Variants in KRT35 observed in about 807,000 individuals in gnomAD.
KRT35 encodes the protein keratin 35.
In KRT35, 33 loss-of-function variants were observed where a neutral mutation model predicts 42.2. That is an observed-to-expected ratio of 0.78 (90% CI 0.59 to 1.05). The LOEUF (loss-of-function observed/expected upper bound fraction) is 1.05. Among genes scored for constraint, KRT35 ranks in the 50% least tolerant of loss-of-function variants. KRT35 has a pLI of 0.00. For synonymous variants in KRT35, 218 were observed against 238.2 expected, an observed-to-expected ratio of 0.92 and a Z score of 0.78; for missense variants, 585 against 589.2, an observed-to-expected ratio of 0.99 and a Z score of 0.07.
At position 41,480,999 on chromosome 17, in the gene KRT35, G is replaced by A. The variant is rs1404786766; in HGVS notation, c.99C>T (p.Ser33=). The change falls in exon 1 of 7, where the codon TCC becomes TCT. Residue 33 remains serine, a synonymous_variant. Transcript: ENST00000246639. ...GGSTRVSAMY[S]SSSCKLPSLS... is the part of the protein sequence containing the mutation. ...GACTTGGAAGCTTGCAAGAGCTGCTGGAGTACATTGCGGACACACGAGTGG... is the reference window on the plus strand; with the variant it reads ...GACTTGGAAGCTTGCAAGAGCTGCTAGAGTACATTGCGGACACACGAGTGG... 1.2e-6 allele frequency: 2 copies of A among 1,614,032 alleles called. No homozygotes were observed. Among genetic ancestry groups the A allele is most frequent in the Admixed American group, 3.3e-5 (2 of 60,022 alleles).
Position 41,477,148 on chromosome 17 carries a change from A to AG in KRT35, c.1275dup (p.Cys426LeufsTer10). 6.2e-7 allele frequency: 1 copy of AG among 1,613,736 alleles called. No individual in the cohort carries two copies. Among genetic ancestry groups the AG allele is most frequent in the Non-Finnish European group, 8.5e-7 (1 of 1,179,796 alleles). On this transcript the variant is annotated frameshift_variant, in exon 7 of 7. Transcript: ENST00000246639. LOFTEE classifies it high-confidence loss of function. Reference sequence around the variant, plus strand: ...GGACCGCAGGAGGCCGCAGGAAGACAGGGAAGGCATGACTTGGAGGGTGAG... The same window carrying AG: ...GGACCGCAGGAGGCCGCAGGAAGACAGGGGAAGGCATGACTTGGAGGGTGAG...
intron 1 of KRT35, 79 bp downstream of exon 1, chr17:41,480,548 G>T: frequency 9.0e-7 from 1 of 1,117,238 alleles, no homozygotes; most frequent in Non-Finnish European, 1.3e-6. Context: ...CTTCCAACAT[G>T]CCCTATGGGA....
Position 41,478,329 on chromosome 17 carries a change from C to A in KRT35, c.999+32G>T, listed in dbSNP as rs201515809. ...AGCTTGTGTGCTCCTCGGCTTGGTCCAGAGGCAGCTCCACCCTGCCTTGGG... is the reference window on the plus strand; with the variant it reads ...AGCTTGTGTGCTCCTCGGCTTGGTCAAGAGGCAGCTCCACCCTGCCTTGGG... On this transcript the variant is annotated intron_variant, in intron 5 of 6. Coordinates refer to ENST00000246639, the MANE Select transcript of KRT35 (RefSeq NM_002280.6). 2.9e-5 allele frequency: 46 copies of A among 1,607,190 alleles called. No homozygotes were observed. In the Middle Eastern group the frequency reaches 6.4e-4, roughly 22 times the overall value.
At position 41,478,973 on chromosome 17, in the gene KRT35, T is replaced by C. The variant is rs879092551; in HGVS notation, c.734A>G (p.Gln245Arg). The C allele has an allele frequency of 3.1e-6, 5 of 1,613,660 alleles. No individual in the cohort carries two copies. The highest frequency in any genetic ancestry group is 4.2e-6 in the Non-Finnish European group (5 of 1,179,732). The change falls in exon 4 of 7, where the codon CAA becomes CGA. Residue 245 changes from glutamine to arginine, a missense_variant. Transcript: ENST00000246639. ...HEEEVNSLRC[Q>R]LGDRLNVEVD... ...CTCAACATTGAGGCGGTCACCAAGT[T>C]GGCAGCGCAGTGAGTTCACTTCCTA...
rs377000130 is a variant in KRT35 at position 41,480,770 on chromosome 17, C to T, written c.328G>A (p.Gly110Ser). The change falls in exon 1 of 7, where the codon GGC becomes AGC. Residue 110 changes from glycine (G) to serine (S), a missense_variant. By Grantham distance (56) the Gly-to-Ser change is moderately conservative. Coordinates refer to ENST00000246639, the MANE Select transcript of KRT35 (RefSeq NM_002280.6). ...AGCTGACGCACCTTCTCCAGGTAGC[C>T]GGCCAGGCGGTCGTTCAGGGATTGC... ...TMQSLNDRLA[G>S]YLEKVRQLEQ... The T allele has an allele frequency of 2.0e-5, 32 of 1,614,076 alleles. No homozygotes were observed. In the Admixed American group the frequency reaches 2.8e-4, roughly 14 times the overall value.
At chr17:41,477,320 C>T (rs1286131808) in intron 6 of KRT35, 117 bp from the exon 7 acceptor site, 4 of 1,364,390 alleles carry the variant, frequency 2.9e-6, no homozygotes, top group African/African-American at 1.5e-5. Context: ...ATCCTGCCCC[C>T]TTGTTTTACC....
In KRT35 at chr17:41,477,689, G is replaced by C; in HGVS notation, c.1049C>G (p.Ser350Cys). ...TLAETEARYS[S>C]QLAQMQCMIT... ...CATGCACTGCATCTGGGCCAGCTGG[G>C]AGCTATAGCGGGCCTCCGTCTCTGC... The change falls in exon 6 of 7, where the codon TCC (serine) becomes TGC (cysteine). Residue 350 changes from serine (S) to cysteine (C), a missense_variant. By Grantham distance (112) the Ser-to-Cys change is moderately radical. Coordinates refer to ENST00000246639, the MANE Select transcript of KRT35 (RefSeq NM_002280.6). The C allele has an allele frequency of 6.2e-7, 1 of 1,614,250 alleles. No individual in the cohort carries two copies. Among genetic ancestry groups the C allele is most frequent in the Admixed American group, 1.7e-5 (1 of 60,026 alleles).
At chr17:41,477,496 G>A (rs962033393) in intron 6 of KRT35, 22 bp downstream of exon 6, 1 of 1,611,894 alleles carries the variant, frequency 6.2e-7, no homozygotes, top group Non-Finnish European at 8.5e-7. Context: ...GAGAAGACAA[G>A]AGCACATGCA....
chr17:41,479,310 C>T (rs2019222897), intron 3 of KRT35, 37 bp downstream of exon 3: 1 of 1,594,502 alleles, frequency 6.3e-7, no homozygotes, highest in East Asian at 2.3e-5. Context: ...CCCATGCTCA[C>T]CTGCTGTGCC....
rs968232386 is a variant in KRT35, at chr17:41,476,871, G to C, written c.*185C>G. ...TGATGAGGAGTTGAGACCTTTGGGG[G>C]CAGCCGGCCTTTGTGACAGGCTCTG... On this transcript the variant is annotated 3_prime_UTR_variant, in exon 7 of 7. Transcript: ENST00000246639. 1 of 546,500 alleles carries C rather than the reference G, an allele frequency of 1.8e-6. No individual in the cohort carries two copies. Among genetic ancestry groups the C allele is most frequent in the Admixed American group, 3.6e-5 (1 of 27,804 alleles). The allele number at this position is 546,500 out of a possible 1,614,324, so 33.9% of individuals were successfully genotyped here.
chr17:41,479,903 C>A, intron 1 of KRT35, 122 bp from the exon 2 acceptor site: 1 of 746,330 alleles, frequency 1.3e-6, no homozygotes, highest in South Asian at 1.6e-5. Flanking sequence ...TCTGCTACTC[C>A]ATGTGCATTG....
Position 41,476,797 on chromosome 17 carries a change from C to T in KRT35, c.*259G>A, listed in dbSNP as rs1353148677. On this transcript the variant is annotated 3_prime_UTR_variant, in exon 7 of 7. Coordinates refer to ENST00000246639, the MANE Select transcript of KRT35 (RefSeq NM_002280.6). ...ACCGGAACAGCACCTAGAAGGAAAA[C>T]CTGACCCAGGAGGCAGCCTGAGAAC... The T allele has an allele frequency of 7.9e-6, 3 of 379,364 alleles. No individual in the cohort carries two copies. The highest frequency in any genetic ancestry group is 4.2e-5 in the East Asian group (1 of 23,630). The allele number at this position is 379,364 out of a possible 1,614,324, so 23.5% of individuals were successfully genotyped here.
rs748748110 is a variant in KRT35, at chr17:41,481,099, GC to G, written c.-3del. On this transcript the variant is annotated 5_prime_UTR_variant, in exon 1 of 7. Transcript: ENST00000246639. ...GGCCTTGAGGCATTTGGAAGCCATG[GC>G]CCCTGCAACTCAGATGCAATTGATA... The G allele has an allele frequency of 5.5e-5, 88 of 1,598,138 alleles. No homozygotes were observed. In the African/African-American group the frequency reaches 9.9e-4, roughly 18 times the overall value.
chr17:41,477,073 G>A lies in KRT35; in HGVS notation c.1351C>T (p.Pro451Ser), dbSNP rs1165726154. 17 of 1,585,224 alleles carry A rather than the reference G, an allele frequency of 1.1e-5. No homozygotes were observed. The highest frequency in any genetic ancestry group is 1.5e-5 in the Non-Finnish European group (17 of 1,168,806). Reference protein sequence around the residue: ...CSPRPICVPCPGGRF With the variant: ...CSPRPICVPCSGGRF ...ACCCGCTCTCAGAACCGACCCCCTG[G>A]GCAGGGCACACAAATGGGGCGGGGG... is the stretch of plus-strand genomic sequence containing the variant. Residue 451 changes from proline (P) to serine (S), a missense_variant, in exon 7 of 7, where the codon CCA (proline) becomes TCA (serine). Pro to Ser is a moderately conservative substitution (Grantham distance 74). Transcript: ENST00000246639.
rs573572522 is a variant in KRT35 at position 41,479,231 on chromosome 17, CT to C, written c.711+115del. The stretch of plus-strand genomic sequence containing the variant: ...CCTCTTCCCTATGCACACCTGCTCC[CT>C]CATGTTCACCTCCCCCTATGCTCAC... On this transcript the variant is annotated intron_variant, in intron 3 of 6. Transcript: ENST00000246639. 4.0e-6 allele frequency: 5 copies of C among 1,239,464 alleles called. No individual in the cohort carries two copies. In the South Asian group the frequency reaches 4.2e-5, roughly 10 times the overall value. 76.8% of individuals were successfully genotyped at this position (1,239,464 alleles called of 1,614,324 possible).
rs745971004 is a variant in KRT35, at chr17:41,478,418, G to A, written c.942C>T (p.Ile314=). The A allele has an allele frequency of 1.4e-5, 23 of 1,613,976 alleles. No individual in the cohort carries two copies. Among genetic ancestry groups the A allele is most frequent in the African/African-American group, 6.7e-5 (5 of 74,920 alleles). The change falls in exon 5 of 7, where the codon ATC becomes ATT. Residue 314 remains isoleucine (I), a synonymous_variant. Transcript: ENST00000246639. ...GGGCGTTGACCGTGCGTCTCAGCTC[G>A]ATGATCTCTGCCTGGCAGGACTGCA... The part of the protein sequence containing the change: ...EQLQSCQAEI[I]ELRRTVNALE...
rs2019176703 is a variant in KRT35, at chr17:41,476,770, C to T, written c.*286G>A. The T allele has an allele frequency of 3.0e-6, 1 of 329,488 alleles. No individual in the cohort carries two copies. Among genetic ancestry groups the T allele is most frequent in the South Asian group, 9.8e-5 (1 of 10,164 alleles). The allele number at this position is 329,488 out of a possible 1,614,324, so 20.4% of individuals were successfully genotyped here. Reference sequence around the variant, plus strand: ...AAAGCCCTCTACTGCATTTCAGAATCCACCGGAACAGCACCTAGAAGGAAA... The same window carrying T: ...AAAGCCCTCTACTGCATTTCAGAATTCACCGGAACAGCACCTAGAAGGAAA... On this transcript the variant is annotated 3_prime_UTR_variant, in exon 7 of 7. Transcript: ENST00000246639.
chr17:41,480,517 A>C, intron 1 of KRT35, 110 bp downstream of exon 1: 7 of 797,466 alleles, frequency 8.8e-6, no homozygotes, highest in Non-Finnish European at 1.4e-5. Flanking sequence ...ATGAGGCCAC[A>C]GAGATGAACA....
In KRT35 at chr17:41,481,102, C is replaced by A; in HGVS notation, c.-5G>T. 6.9e-6 allele frequency: 11 copies of A among 1,591,530 alleles called. No homozygotes were observed. The highest frequency in any genetic ancestry group is 2.2e-5 in the East Asian group (1 of 44,746). On this transcript the variant is annotated 5_prime_UTR_variant, in exon 1 of 7. Coordinates refer to ENST00000246639, the MANE Select transcript of KRT35 (RefSeq NM_002280.6). ...CTTGAGGCATTTGGAAGCCATGGCCCCTGCAACTCAGATGCAATTGATAGG... is the reference window on the plus strand; with the variant it reads ...CTTGAGGCATTTGGAAGCCATGGCCACTGCAACTCAGATGCAATTGATAGG...
Sources: gnomAD v4.1 joint callset for allele counts on GRCh38, gnomAD v4.1.1 for gene constraint, MANE v1.5 for transcripts, NCBI Gene and HGNC (gene_info 2026-07-23, HGNC 2026-07-21) for gene names.